Variants in SMIM35 observed in about 807,000 individuals in gnomAD.
SMIM35 encodes the protein small integral membrane protein 35, also known as TMPRSS4 antisense RNA 1 (non-protein coding).
intron 1 of SMIM35, among the ~76,000 whole-genome samples, chr11:118,050,929 T>C (rs1027700023): frequency 2.6e-5 from 4 of 152,196 alleles, no homozygotes; most frequent in Non-Finnish European, 4.4e-5. Flanking sequence ...CCCCACCCTA[T>C]CTGCAGAAGA....
rs193267104 is a variant in SMIM35, at chr11:118,074,003, T to G, written c.7+12748A>C. 2.0e-3 allele frequency among the ~76,000 whole-genome samples: 307 copies of G among 152,316 alleles called. 2 individuals are homozygous for G. Among genetic ancestry groups the G allele is most frequent in the Non-Finnish European group, 3.2e-3 (220 of 68,022 alleles). ...GGACGAGACCTGTTGGTCCTTAAAC[T>G]GAGGTCACCTGTATGGGACCAGCCT... On this transcript the variant is annotated intron_variant, in intron 1 of 4. Coordinates refer to ENST00000689828, the MANE Select transcript of SMIM35 (RefSeq NM_001394165.1).
At chr11:118,022,630 A>G (rs2058240366) in intron 1 of SMIM35, among the ~76,000 whole-genome samples, 1 of 152,326 alleles carries the variant, frequency 6.6e-6, no homozygotes, top group South Asian at 2.1e-4. Flanking sequence ...AAAGTTCACA[A>G]GACAGAGGAA....
intron 1 of SMIM35, among the ~76,000 whole-genome samples, chr11:118,074,415 G>A (rs890899356): frequency 2.0e-5 from 3 of 152,178 alleles, no homozygotes; most frequent in African/African-American, 7.2e-5. Context: ...AAGCAGGCAG[G>A]ACAGGGCTGA....
intron 1 of SMIM35, among the ~76,000 whole-genome samples, chr11:118,078,012 T>TC (rs1944802128): frequency 6.6e-5 from 1 of 15,194 alleles, no homozygotes; most frequent in Non-Finnish European, 1.0e-4. Context: ...AAACTCCGTC[T>TC]CAAAAAAAAA....
chr11:118,073,934 CT>C (rs1330670639), intron 1 of SMIM35, among the ~76,000 whole-genome samples: 2 of 152,224 alleles, frequency 1.3e-5, no homozygotes, highest in Non-Finnish European at 2.9e-5. Flanking sequence ...TTTTAAAGTG[CT>C]GCTGACACCT....
At chr11:118,006,497 T>G (rs776148444) in intron 4 of SMIM35, 121 bp from the exon 5 acceptor site, 15 of 152,220 alleles carry the variant, frequency 9.9e-5, no homozygotes, top group Non-Finnish European at 2.2e-4. Context: ...CAAAAACCCC[T>G]CTGATTTCTC....
At chr11:118,069,990 G>A (rs1944545227) in intron 1 of SMIM35, among the ~76,000 whole-genome samples, 1 of 152,104 alleles carries the variant, frequency 6.6e-6, no homozygotes, top group Non-Finnish European at 1.5e-5. Flanking sequence ...AAACCAGGAA[G>A]GCGGAGGTTG....
intron 1 of SMIM35, among the ~76,000 whole-genome samples, chr11:118,075,064 C>G (rs963911279): frequency 1.3e-5 from 2 of 152,242 alleles, no homozygotes; most frequent in Non-Finnish European, 2.9e-5. Flanking sequence ...CCAGGTAAAG[C>G]AATGCAAACC....
At chr11:118,068,323 T>A (rs1171331477) in intron 1 of SMIM35, among the ~76,000 whole-genome samples, 8 of 152,038 alleles carry the variant, frequency 5.3e-5, no homozygotes, top group Middle Eastern at 3.4e-3. Context: ...TGCTCCCTCC[T>A]CGGGGAGGGA....
intron 1 of SMIM35, among the ~76,000 whole-genome samples, chr11:118,016,834 C>T (rs976155526): frequency 6.6e-6 from 1 of 152,276 alleles, no homozygotes; most frequent in Non-Finnish European, 1.5e-5. Flanking sequence ...ACACTAAATG[C>T]TCAATAGATG....
chr11:118,071,641 C>T (rs1944573442), intron 1 of SMIM35, among the ~76,000 whole-genome samples: 1 of 152,176 alleles, frequency 6.6e-6, no homozygotes, highest in African/African-American at 2.4e-5. Context: ...TGAAACTGAT[C>T]TCAATTTACT....
At chr11:118,033,391 T>C (rs1429084736) in intron 1 of SMIM35, among the ~76,000 whole-genome samples, 1 of 152,222 alleles carries the variant, frequency 6.6e-6, no homozygotes, top group Non-Finnish European at 1.5e-5. Context: ...CAAAGTCCTT[T>C]GACAAGCATC....
intron 1 of SMIM35, among the ~76,000 whole-genome samples, chr11:118,080,445 C>T (rs1185634514): frequency 1.3e-5 from 2 of 152,170 alleles, no homozygotes; most frequent in African/African-American, 4.8e-5. Context: ...CATCCCCAGG[C>T]CCTGTCCATC....
At chr11:118,030,690 G>A (rs1419661281) in intron 1 of SMIM35, among the ~76,000 whole-genome samples, 1 of 151,986 alleles carries the variant, frequency 6.6e-6, no homozygotes, top group Non-Finnish European at 1.5e-5. Context: ...CTGGTGTGGG[G>A]AGTCAGGGCT....
intron 1 of SMIM35, among the ~76,000 whole-genome samples, chr11:118,050,738 G>T (rs1166356694): frequency 6.6e-6 from 1 of 152,216 alleles, no homozygotes; most frequent in Non-Finnish European, 1.5e-5. Context: ...TTGGTTGCAA[G>T]TTCAGAGGCT....
chr11:118,047,271 T>G (rs1944112978), intron 1 of SMIM35, among the ~76,000 whole-genome samples: 1 of 152,236 alleles, frequency 6.6e-6, no homozygotes, highest in Admixed American at 6.5e-5. Context: ...TTATTGGCGA[T>G]CTCATCTGTT....
chr11:118,013,270 G>A lies in SMIM35; in HGVS notation c.*33+478C>T, dbSNP rs181850731. Among the ~76,000 whole-genome samples the A allele has an allele frequency of 2.8e-3, 423 of 152,304 alleles. 4 individuals are homozygous for A. Among genetic ancestry groups the A allele is most frequent in the Middle Eastern group, 0.01 (3 of 294 alleles). ...CCCAAGAGAGAAATGGTTTGAATGG[G>A]AAAAAGCAACTGAGATGTGGGGAAG... On this transcript the variant is annotated intron_variant, in intron 4 of 4. Coordinates refer to ENST00000689828, the MANE Select transcript of SMIM35 (RefSeq NM_001394165.1).
chr11:118,027,265 G>A (rs995522784), intron 1 of SMIM35, among the ~76,000 whole-genome samples: 1 of 149,438 alleles, frequency 6.7e-6, no homozygotes, highest in African/African-American at 2.5e-5. Flanking sequence ...CTGACCTCAT[G>A]ATCCACCCGC....
intron 4 of SMIM35, among the ~76,000 whole-genome samples, chr11:118,011,713 T>G (rs1233529424): frequency 1.3e-5 from 2 of 151,870 alleles, no homozygotes; most frequent in African/African-American, 4.8e-5. Context: ...GAAAGAAAGT[T>G]TTACTGGGGC....
Sources: gnomAD v4.1 joint callset for allele counts (sites outside exome capture counted in the v4.1 genomes callset) on GRCh38, gnomAD v4.1.1 for gene constraint, MANE v1.5 for transcripts, NCBI Gene and HGNC (gene_info 2026-07-23, HGNC 2026-07-21) for gene names.